PREX1: variants seen among roughly 807,000 people sequenced by gnomAD.
PREX1 encodes the protein phosphatidylinositol-3,4,5-trisphosphate dependent Rac exchange factor 1.
In PREX1, 41 loss-of-function variants were observed where a neutral mutation model predicts 198.3. That is an observed-to-expected ratio of 0.21 (90% CI 0.16 to 0.27). The LOEUF is 0.27. Ranked by LOEUF, PREX1 falls within the 10% of genes least tolerant of loss-of-function variation. The pLI, the probability that PREX1 is intolerant of heterozygous loss-of-function variation, is 1.00. For synonymous variants in PREX1, 843 were observed against 887.2 expected (o/e 0.95, Z 0.89); for missense variants, 1,620 against 2,200.7 (o/e 0.74, Z 5.28).
chr20:48,649,283 C>T lies in PREX1; in HGVS notation c.3305+17G>A. 6.2e-7 allele frequency: 1 copy of T among 1,606,632 alleles called. No homozygotes were observed. On this transcript the variant is annotated intron_variant, in intron 25 of 39. Coordinates refer to ENST00000371941, the MANE Select transcript of PREX1 (RefSeq NM_020820.4). ...ACCTGCCCCTGCTCACGCCGGACACCCCCGGCCAGCGCTCACCTGTTGATC... is the reference window on the plus strand; with the variant it reads ...ACCTGCCCCTGCTCACGCCGGACACTCCCGGCCAGCGCTCACCTGTTGATC...
intron 18 of PREX1, 149 bp downstream of exon 18, chr20:48,656,891 C>T: frequency 1.7e-6 from 2 of 1,166,450 alleles, no homozygotes; most frequent in Non-Finnish European, 2.3e-6. Flanking sequence ...TAAACATCTG[C>T]CGAATTAATG....
chr20:48,715,818 C>T (rs73332881), intron 5 of PREX1, among the ~76,000 whole-genome samples: 2,434 of 152,208 alleles, frequency 0.016, 73 homozygotes, highest in African/African-American at 0.056. Context: ...AAGCACTGCT[C>T]GAAATTTAAG....
intron 25 of PREX1, 146 bp from the exon 26 acceptor site, chr20:48,646,203 C>T (rs1296034452): frequency 1.3e-6 from 1 of 767,922 alleles, no homozygotes; most frequent in Non-Finnish European, 2.1e-6. Context: ...GGCCAAGCTA[C>T]ACAAGGCTCT....
chr20:48,708,524 C>T (rs1436159223), intron 5 of PREX1, 103 bp from the exon 6 acceptor site: 5 of 1,260,370 alleles, frequency 4.0e-6, no homozygotes, highest in Non-Finnish European at 5.6e-6. Flanking sequence ...AACTCCTCGC[C>T]TGGTGGACAT....
At chr20:48,773,692 G>A (rs961768213) in intron 1 of PREX1, among the ~76,000 whole-genome samples, 2 of 152,192 alleles carry the variant, frequency 1.3e-5, no homozygotes, top group Non-Finnish European at 1.5e-5. Context: ...GTGAGAGCAG[G>A]AAGAAACGAG....
the PREX1 span, among the ~76,000 whole-genome samples, chr20:48,879,390 A>T: frequency 5.9e-5 from 9 of 152,048 alleles, no homozygotes; most frequent in African/African-American, 2.2e-4. Flanking sequence ...CTGGTTATTT[A>T]AATACTGAAA....
chr20:48,631,243 A>T (rs1320774137), intron 35 of PREX1, among the ~76,000 whole-genome samples: 1 of 152,194 alleles, frequency 6.6e-6, no homozygotes, highest in Non-Finnish European at 1.5e-5. Flanking sequence ...GATCGCGGCC[A>T]CTCAGCTCTG....
In PREX1 at chr20:48,722,057, G is replaced by A. The variant is rs574458395; in HGVS notation, c.621+4233C>T. ...CTCAAATGCAGAAACTCAACGGGCC[G>A]GAAGACAAGCCCAGGGTCTAGGGGA... On this transcript the variant is annotated intron_variant, in intron 5 of 39. Transcript: ENST00000371941. Among the ~76,000 whole-genome samples the A allele has an allele frequency of 1.2e-4, 19 of 152,254 alleles. No individual in the cohort carries two copies. The South Asian group carries it at 1.9e-3, about 15-fold the overall frequency.
chr20:48,721,878 T>A (rs1259232021), intron 5 of PREX1, among the ~76,000 whole-genome samples: 1 of 142,546 alleles, frequency 7.0e-6, no homozygotes, highest in Non-Finnish European at 1.5e-5. Flanking sequence ...GACATGGGGG[T>A]GGGGAAAGAG....
the PREX1 span, among the ~76,000 whole-genome samples, chr20:48,844,495 G>A: frequency 2.0e-5 from 3 of 152,142 alleles, no homozygotes. Context: ...TCATGAAGAG[G>A]CATGTGACTC....
chr20:48,883,862 C>T, the PREX1 span, among the ~76,000 whole-genome samples: 15 of 151,838 alleles, frequency 9.9e-5, no homozygotes, highest in African/African-American at 2.7e-4. Flanking sequence ...CAGCTGGGGC[C>T]GGGCGCAGTG....
chr20:48,679,360 T>C lies in PREX1; in HGVS notation c.1589A>G (p.Lys530Arg). The change falls in exon 13 of 40, where the codon AAA (lysine) becomes AGA (arginine). Residue 530 changes from lysine to arginine, a missense_variant and splice_region_variant. Physicochemically the swap from Lys to Arg is conservative, Grantham distance 26 (BLOSUM62 2). This residue lies in a region of PREX1 where 488 missense variants were observed against 802.5 expected (regional missense o/e 0.61). Coordinates refer to ENST00000371941, the MANE Select transcript of PREX1 (RefSeq NM_020820.4). ...RLHSLYTPVI[K>R]DRDYHLKTYK... ...TTGGAGCTTGGAAAGAGTAACTTAC[T>C]TGATCACCGGGGTGTAGAGGCTGTG... The C allele has an allele frequency of 6.2e-7, 1 of 1,612,364 alleles. No individual in the cohort carries two copies.
At position 48,700,226 on chromosome 20, in the gene PREX1, A is replaced by C. The variant is rs542496623; in HGVS notation, c.917+527T>G. ...CGCTCCTCTTGAACCCTCAACTTTT[A>C]GAGCTTAGAATTACAGGATGTGGGT... On this transcript the variant is annotated intron_variant, in intron 7 of 39. Transcript: ENST00000371941. Among the ~76,000 whole-genome samples, 48 of 152,380 alleles carry C rather than the reference A, an allele frequency of 3.2e-4. No homozygotes were observed. The East Asian group carries it at 6.6e-3, about 21-fold the overall frequency.
intron 1 of PREX1, among the ~76,000 whole-genome samples, chr20:48,797,631 G>A (rs933243426): frequency 2.0e-5 from 3 of 152,028 alleles, no homozygotes; most frequent in Admixed American, 1.3e-4. Context: ...GAAAGAGAAC[G>A]ACACCCCCGT....
intron 1 of PREX1, among the ~76,000 whole-genome samples, chr20:48,798,772 T>G (rs961248009): frequency 6.6e-6 from 1 of 152,226 alleles, no homozygotes; most frequent in Non-Finnish European, 1.5e-5. Flanking sequence ...AAAATTCATC[T>G]CCTGGTGTTA....
intron 5 of PREX1, among the ~76,000 whole-genome samples, chr20:48,713,474 T>C (rs1194839143): frequency 1.3e-5 from 2 of 151,362 alleles, no homozygotes; most frequent in Non-Finnish European, 2.9e-5. Context: ...AACATAGTAC[T>C]GTATAAAGAT....
At chr20:48,677,773 T>C (rs2089719438) in intron 13 of PREX1, among the ~76,000 whole-genome samples, 1 of 152,034 alleles carries the variant, frequency 6.6e-6, no homozygotes, top group Non-Finnish European at 1.5e-5. Flanking sequence ...TCACTTGAGA[T>C]CAGGAGTTTT....
At chr20:48,661,468 T>TATATATATATATATATAC (rs1373152651) in intron 15 of PREX1, among the ~76,000 whole-genome samples, 81 of 76,788 alleles carry the variant, frequency 1.1e-3, no homozygotes, top group African/African-American at 4.7e-3. Flanking sequence ...TATATATATA[T>TATATATATATATATATAC]ACACACACAT....
intron 4 of PREX1, among the ~76,000 whole-genome samples, chr20:48,730,400 T>G (rs900980654): frequency 1.4e-5 from 2 of 146,094 alleles, no homozygotes; most frequent in Admixed American, 6.9e-5. Context: ...GACATCATGC[T>G]GCGCAAAAGC....
Sources: allele counts gnomAD v4.1 joint callset (sites outside exome capture counted in the v4.1 genomes callset), GRCh38; gene constraint gnomAD v4.1.1; regional missense constraint gnomAD v4.1.1; transcripts MANE v1.5; gene names NCBI Gene and HGNC (gene_info 2026-07-23, HGNC 2026-07-21).